Variants in GRB10 observed in about 807,000 individuals in gnomAD.
GRB10 encodes growth factor receptor bound protein 10.
GRB10 carries 20 observed loss-of-function variants against 80.9 expected under a neutral mutation model. The observed-to-expected ratio is 0.25, with a 90% confidence interval of 0.17 to 0.36. The LOEUF (loss-of-function observed/expected upper bound fraction) is 0.36. Ranked by LOEUF, GRB10 falls within the 10% of genes least tolerant of loss-of-function variation. The probability of loss-of-function intolerance (pLI) is 1.00; values close to 1 mark genes in which losing one functional copy is unlikely to be tolerated. For missense variants in GRB10, 548 were observed against 747.7 expected, an observed-to-expected ratio of 0.73 and a Z score of 3.12; for synonymous variants, 291 against 291.5, an observed-to-expected ratio of 1.00 and a Z score of 0.02.
chr7:50,754,981 C>T (rs2074829834), intron 3 of GRB10, among the ~76,000 whole-genome samples: 1 of 152,210 alleles, frequency 6.6e-6, no homozygotes, highest in Non-Finnish European at 1.5e-5. Flanking sequence ...GGTGAGGACA[C>T]CGCGAGAAAA....
intron 7 of GRB10, among the ~76,000 whole-genome samples, chr7:50,661,116 C>T (rs778813696): frequency 6.6e-6 from 1 of 152,246 alleles, no homozygotes; most frequent in Non-Finnish European, 1.5e-5. Flanking sequence ...CACACATTTG[C>T]AGGAGAGAGC....
At chr7:50,706,872 G>T (rs2065107625) in intron 4 of GRB10, among the ~76,000 whole-genome samples, 3 of 152,180 alleles carry the variant, frequency 2.0e-5, no homozygotes, top group Admixed American at 1.3e-4. Context: ...GCCAGGCTGA[G>T]CCCTGGGTGA....
chr7:50,784,664 A>C (rs935449131), upstream of GRB10, among the ~76,000 whole-genome samples: 1 of 152,248 alleles, frequency 6.6e-6, no homozygotes, highest in Non-Finnish European at 1.5e-5. Flanking sequence ...CCAGACCTTC[A>C]CTGAATGGCT....
At chr7:50,712,024 T>G (rs549682518) in intron 4 of GRB10, among the ~76,000 whole-genome samples, 1 of 152,008 alleles carries the variant, frequency 6.6e-6, no homozygotes, top group Non-Finnish European at 1.5e-5. Flanking sequence ...AACCGAGCTA[T>G]GGGTAACTAC....
chr7:50,669,643 TAATAATCTGGCACATCTGTGCAGATCCC>T (rs2060159573), intron 7 of GRB10, 51 bp downstream of exon 7: 2 of 1,388,852 alleles, frequency 1.4e-6, no homozygotes, highest in Non-Finnish European at 1.0e-6. Context: ...CTTCCCAAAG[TAATAATCTGGCACATCTGTGCAGATCCC>T]AATAATCTGG....
chr7:50,733,185 A>C (rs927784475), intron 3 of GRB10, among the ~76,000 whole-genome samples: 15 of 152,202 alleles, frequency 9.9e-5, no homozygotes, highest in African/African-American at 2.2e-4. Flanking sequence ...ACTTGTACAG[A>C]GAGAAGACCA....
intron 7 of GRB10, among the ~76,000 whole-genome samples, chr7:50,648,248 A>G (rs1259201805): frequency 1.3e-5 from 2 of 152,062 alleles, no homozygotes; most frequent in Non-Finnish European, 2.9e-5. Context: ...GGAGCTGTGG[A>G]AAGGAGAGCA....
At chr7:50,790,763 G>A (rs1050557092) in intron 1 of GRB10, among the ~76,000 whole-genome samples, 81 of 152,212 alleles carry the variant, frequency 5.3e-4, no homozygotes, top group Non-Finnish European at 1.8e-4. Context: ...AAAGCATTCG[G>A]TTTTACCAGA....
At chr7:50,737,075 C>T (rs771245822) in intron 3 of GRB10, among the ~76,000 whole-genome samples, 8 of 152,176 alleles carry the variant, frequency 5.3e-5, no homozygotes, top group Non-Finnish European at 8.8e-5. Flanking sequence ...TCAAAGGATG[C>T]TATCAAAAGA....
chr7:50,691,872 A>G (rs1346524317), intron 5 of GRB10, among the ~76,000 whole-genome samples: 1 of 152,168 alleles, frequency 6.6e-6, no homozygotes, highest in Non-Finnish European at 1.5e-5. Context: ...ACCAACATTC[A>G]CTACTTTTCA....
chr7:50,648,801 TC>T (rs765255249), intron 7 of GRB10, among the ~76,000 whole-genome samples: 5 of 152,182 alleles, frequency 3.3e-5, no homozygotes, highest in Non-Finnish European at 5.9e-5. Context: ...CAGGTCCTTT[TC>T]TTTGAAGCTT....
intron 4 of GRB10, among the ~76,000 whole-genome samples, chr7:50,708,974 G>C (rs1268446591): frequency 6.6e-6 from 1 of 152,136 alleles, no homozygotes; most frequent in Non-Finnish European, 1.5e-5. Context: ...GTACCCAGCT[G>C]TGAGTCCGCT....
At chr7:50,649,882 C>A (rs1488847683) in intron 7 of GRB10, among the ~76,000 whole-genome samples, 3 of 152,164 alleles carry the variant, frequency 2.0e-5, no homozygotes, top group South Asian at 2.1e-4. Context: ...TGTGCTTCGA[C>A]TATATTTTCT....
intron 7 of GRB10, among the ~76,000 whole-genome samples, chr7:50,651,130 A>AT (rs1204687164): frequency 6.6e-6 from 1 of 152,146 alleles, no homozygotes; most frequent in Non-Finnish European, 1.5e-5. Context: ...CTACGGTCTG[A>AT]TTTTTTATTA....
chr7:50,656,198 G>T (rs1205649812), intron 7 of GRB10, among the ~76,000 whole-genome samples: 1 of 152,210 alleles, frequency 6.6e-6, no homozygotes, highest in Non-Finnish European at 1.5e-5. Context: ...GACAGGCGCG[G>T]GCTGAGCGCA....
chr7:50,604,477 G>T, intron 15 of GRB10, 100 bp from the exon 16 acceptor site: 1 of 985,040 alleles, frequency 1.0e-6, no homozygotes, highest in South Asian at 1.3e-5. Flanking sequence ...TGGGGTGCCT[G>T]ACTGGGCTCA....
intron 17 of GRB10, among the ~76,000 whole-genome samples, chr7:50,603,583 C>T (rs1300444123): frequency 1.3e-5 from 2 of 152,186 alleles, no homozygotes; most frequent in Non-Finnish European, 2.9e-5. Context: ...AACAATGATA[C>T]GTAATTTATT....
chr7:50,595,876 A>G (rs909428468), intron 17 of GRB10: 1 of 228,058 alleles, frequency 4.4e-6, no homozygotes, highest in Admixed American at 5.1e-5. Flanking sequence ...GGACATGTCA[A>G]AAAGACACAG....
At chr7:50,728,715 G>C (rs942725058) in intron 4 of GRB10, among the ~76,000 whole-genome samples, 12 of 152,150 alleles carry the variant, frequency 7.9e-5, no homozygotes, top group Non-Finnish European at 1.3e-4. Context: ...CTGTCGCCCA[G>C]GCTGGAATGC....
Sources: gnomAD v4.1 joint callset for allele counts (sites outside exome capture counted in the v4.1 genomes callset) on GRCh38, gnomAD v4.1.1 for gene constraint, MANE v1.5 for transcripts, NCBI Gene and HGNC (gene_info 2026-07-23, HGNC 2026-07-21) for gene names.